Variants in CACNA1E observed in about 807,000 individuals in gnomAD.
The protein encoded by CACNA1E is voltage-dependent R-type calcium channel subunit alpha-1E.
In CACNA1E, 40 loss-of-function variants were observed where a neutral mutation model predicts 259.2. The ratio of observed to expected loss-of-function variants is 0.15; its 90% CI spans 0.12 to 0.20. CACNA1E has a LOEUF of 0.20. CACNA1E is among the 10% of genes least tolerant of loss of function. CACNA1E has a pLI of 1.00. For missense variants in CACNA1E, 1,874 were observed against 3,040.1 expected (o/e 0.62, Z 9.02); for synonymous variants, 1,104 against 1,138.5 (o/e 0.97, Z 0.61).
chr1:181,448,811 C>A (rs1450607860), intron 2 of CACNA1E, among the ~76,000 whole-genome samples: 5 of 152,234 alleles, frequency 3.3e-5, no homozygotes, highest in Admixed American at 2.0e-4. Flanking sequence ...GGAGGGCATA[C>A]CAGTCGGAAA....
chr1:181,379,527 T>G (rs1655321136), intron 1 of CACNA1E, among the ~76,000 whole-genome samples: 1 of 152,190 alleles, frequency 6.6e-6, no homozygotes, highest in South Asian at 2.1e-4. Context: ...ATTTATTTAT[T>G]GCAATTTGGT....
At chr1:181,691,116 T>A (rs1166723689) in intron 7 of CACNA1E, among the ~76,000 whole-genome samples, 1 of 152,048 alleles carries the variant, frequency 6.6e-6, no homozygotes, top group African/African-American at 2.4e-5. Flanking sequence ...TTGACTTATT[T>A]AAGATCTTCA....
chr1:181,694,356 T>C (rs1343361627), intron 7 of CACNA1E, among the ~76,000 whole-genome samples: 4 of 152,358 alleles, frequency 2.6e-5, no homozygotes, highest in South Asian at 2.1e-4. Context: ...TTTCTCAGTC[T>C]GATGAAATGG....
intron 2 of CACNA1E, among the ~76,000 whole-genome samples, chr1:181,446,783 A>G (rs566327242): frequency 6.6e-6 from 1 of 152,106 alleles, no homozygotes; most frequent in Non-Finnish European, 1.5e-5. Flanking sequence ...CATTTGTTTC[A>G]CTGAGAAAGC....
rs531730821 is a variant in CACNA1E at position 181,545,684 on chromosome 1, T to C, written c.513-32082T>C. 1.7e-3 allele frequency among the ~76,000 whole-genome samples: 254 copies of C among 152,354 alleles called. 2 individuals carry two copies. Among genetic ancestry groups the C allele is most frequent in the Non-Finnish European group, 3.1e-3 (209 of 68,030 alleles). On this transcript the variant is annotated intron_variant, in intron 3 of 47. Coordinates refer to ENST00000367573, the MANE Select transcript of CACNA1E (RefSeq NM_001205293.3). ...CGAGGAAACCACAGTCTGTCTGCTT[T>C]ACCCTGATGGACTTCTGTTCAGGGA...
intron 1 of CACNA1E, among the ~76,000 whole-genome samples, chr1:181,374,499 G>A (rs1654955518): frequency 6.6e-6 from 1 of 150,810 alleles, no homozygotes; most frequent in Non-Finnish European, 1.5e-5. Flanking sequence ...TTATTGTTCT[G>A]TCTCCCAGGC....
At position 181,617,787 on chromosome 1, in the gene CACNA1E, G is replaced by A. The variant is rs557589116; in HGVS notation, c.952-33551G>A. Among the ~76,000 whole-genome samples the A allele has an allele frequency of 2.0e-4, 31 of 152,284 alleles. 1 individual carries two copies. Among genetic ancestry groups the A allele is most frequent in the African/African-American group, 6.0e-4 (25 of 41,560 alleles). ...AATGACTCCTGGTATTTTAAGGGGCGCAAAGTTATGACAGTGACAGAGCGA... is the reference window on the plus strand; with the variant it reads ...AATGACTCCTGGTATTTTAAGGGGCACAAAGTTATGACAGTGACAGAGCGA... On this transcript the variant is annotated intron_variant, in intron 6 of 47. Coordinates refer to ENST00000367573, the MANE Select transcript of CACNA1E (RefSeq NM_001205293.3).
At chr1:181,616,954 T>C (rs1402491889) in intron 6 of CACNA1E, among the ~76,000 whole-genome samples, 1 of 152,236 alleles carries the variant, frequency 6.6e-6, no homozygotes, top group Admixed American at 6.5e-5. Context: ...CAAATTTAGT[T>C]GCATAAAGCT....
At chr1:181,434,971 T>A (rs958466977) in intron 2 of CACNA1E, among the ~76,000 whole-genome samples, 1 of 152,200 alleles carries the variant, frequency 6.6e-6, no homozygotes, top group Non-Finnish European at 1.5e-5. Flanking sequence ...TTGATCTGGG[T>A]TGCAGACAGT....
chr1:181,320,340 A>G (rs1650243494), intron 1 of CACNA1E, among the ~76,000 whole-genome samples: 1 of 152,166 alleles, frequency 6.6e-6, no homozygotes, highest in Non-Finnish European at 1.5e-5. Context: ...TGAGGGAGTG[A>G]TGAGGACTCT....
chr1:181,752,348 C>A, intron 27 of CACNA1E, 109 bp downstream of exon 27: 1 of 797,492 alleles, frequency 1.3e-6, no homozygotes, highest in Non-Finnish European at 2.2e-6. Flanking sequence ...TCCTTTTTCT[C>A]ACACGGATAT....
At chr1:181,418,852 A>G (rs1658495596) in intron 2 of CACNA1E, among the ~76,000 whole-genome samples, 3 of 151,934 alleles carry the variant, frequency 2.0e-5, no homozygotes. Flanking sequence ...ACACACGTAT[A>G]TGATACTAGA....
intron 2 of CACNA1E, among the ~76,000 whole-genome samples, chr1:181,422,062 G>A (rs1188852595): frequency 6.6e-6 from 1 of 152,174 alleles, no homozygotes; most frequent in Non-Finnish European, 1.5e-5. Flanking sequence ...TCCTGCCGTT[G>A]CCTGGAATAT....
At chr1:181,682,644 T>C (rs1258301751) in intron 7 of CACNA1E, among the ~76,000 whole-genome samples, 1 of 152,208 alleles carries the variant, frequency 6.6e-6, no homozygotes, top group African/African-American at 2.4e-5. Flanking sequence ...GCAGTAAGCA[T>C]GATTCTGGTA....
chr1:181,459,220 G>C (rs1661653494), intron 2 of CACNA1E, among the ~76,000 whole-genome samples: 1 of 152,250 alleles, frequency 6.6e-6, no homozygotes, highest in South Asian at 2.1e-4. Context: ...CCAGTACAGG[G>C]AACAACTAGC....
chr1:181,363,817 G>A lies in CACNA1E; in HGVS notation c.-15+45694G>A, dbSNP rs950419282. Among the ~76,000 whole-genome samples the A allele has an allele frequency of 4.6e-5, 7 of 152,316 alleles. No individual in the cohort carries two copies. In the South Asian group the frequency reaches 1.5e-3, roughly 32 times the overall value. On this transcript the variant is annotated intron_variant, in intron 1 of 11. Coordinates refer to the CACNA1E transcript ENST00000524607. ...CAAGGCATGCAGAAGCTGTGGTTTG[G>A]TGCATGGAAGTGGTGAGAGAGCTCT...
intron 25 of CACNA1E, among the ~76,000 whole-genome samples, chr1:181,743,515 C>A (rs752238253): frequency 6.6e-6 from 1 of 152,246 alleles, no homozygotes; most frequent in Non-Finnish European, 1.5e-5. Context: ...CCAAAGTCAG[C>A]TGCCTTGTAG....
chr1:181,551,967 T>C (rs1648215452), intron 3 of CACNA1E, among the ~76,000 whole-genome samples: 1 of 152,176 alleles, frequency 6.6e-6, no homozygotes, highest in Admixed American at 6.5e-5. Flanking sequence ...ACTCAAGTTA[T>C]GCCAAGAAGG....
upstream of CACNA1E, among the ~76,000 whole-genome samples, chr1:181,478,995 G>T (rs568656481): frequency 3.6e-4 from 55 of 152,200 alleles, no homozygotes; most frequent in Non-Finnish European, 6.9e-4. Context: ...CAGGATAAAT[G>T]CTTTGAAATG....
Sources: gnomAD v4.1 joint callset for allele counts (sites outside exome capture counted in the v4.1 genomes callset) on GRCh38, gnomAD v4.1.1 for gene constraint, MANE v1.5 for transcripts, NCBI Gene and HGNC (gene_info 2026-07-23, HGNC 2026-07-21) for gene names.